AKAP11: variants seen among roughly 807,000 people sequenced by gnomAD.
The protein encoded by AKAP11 is A-kinase anchoring protein 11.
Under a neutral mutation model 146.1 loss-of-function variants are expected in AKAP11, and 36 were observed. The ratio of observed to expected loss-of-function variants is 0.25; its 90% CI spans 0.19 to 0.33. AKAP11 has a LOEUF of 0.33. AKAP11 is among the 10% of genes least tolerant of loss of function. The pLI is 1.00. For missense variants in AKAP11, 2,201 were observed against 2,197.0 expected, an observed-to-expected ratio of 1.00 and a Z score of -0.04; for synonymous variants, 780 against 786.5, an observed-to-expected ratio of 0.99 and a Z score of 0.14.
At chr13:42,273,847 A>G (rs908928130) in intron 1 of AKAP11, among the ~76,000 whole-genome samples, 1 of 152,218 alleles carries the variant, frequency 6.6e-6, no homozygotes, top group Non-Finnish European at 1.5e-5. Context: ...AACTCAAACC[A>G]ATTTGGACAA....
intron 1 of AKAP11, among the ~76,000 whole-genome samples, chr13:42,285,252 T>G (rs1370018323): frequency 1.3e-5 from 2 of 152,186 alleles, no homozygotes; most frequent in Non-Finnish European, 2.9e-5. Context: ...CAATATTGTC[T>G]AGACTGGCTT....
At position 42,299,472 on chromosome 13, in the gene AKAP11, G is replaced by C. The variant is rs199589394; in HGVS notation, c.726G>C (p.Gln242His). ...DLKILISSGQ[Q>H]KSLAKPSTSS... The stretch of plus-strand genomic sequence containing the variant: ...AGATTCTCATTAGCTCTGGACAGCA[G>C]AAGTCATTGGCTAAACCCTCAACTT... The change falls in exon 8 of 13, where the codon CAG (glutamine) becomes CAC (histidine). Residue 242 changes from glutamine to histidine, a missense_variant. Gln to His is a conservative substitution (Grantham distance 24). Transcript: ENST00000025301. 14 of 1,613,816 alleles carry C rather than the reference G, an allele frequency of 8.7e-6. No homozygotes were observed. Among genetic ancestry groups the C allele is most frequent in the Non-Finnish European group, 1.2e-5 (14 of 1,179,858 alleles).
chr13:42,311,017 CTCTG>C (rs61674280), intron 9 of AKAP11, among the ~76,000 whole-genome samples: 58,311 of 151,658 alleles, frequency 0.38, 11,604 homozygotes, highest in East Asian at 0.62. Context: ...AAGAACTGGT[CTCTG>C]TCTGTGACTG....
chr13:42,313,019 C>T (rs1420683918), intron 9 of AKAP11, 28 bp from the exon 10 acceptor site: 1 of 1,583,120 alleles, frequency 6.3e-7, no homozygotes, highest in Non-Finnish European at 8.7e-7. Context: ...TTTTCTAGTT[C>T]AGCTCTGTTC....
Position 42,320,430 on chromosome 13 carries a change from G to T in AKAP11, c.*1202G>T, listed in dbSNP as rs549300683. 1 of 148,680 alleles carries T rather than the reference G, an allele frequency of 6.7e-6. No individual in the cohort carries two copies. Among genetic ancestry groups the T allele is most frequent in the South Asian group, 2.1e-4 (1 of 4,730 alleles). The allele number at this position is 148,680 out of a possible 1,614,324, so 9.2% of individuals were successfully genotyped here. On this transcript the variant is annotated 3_prime_UTR_variant, in exon 13 of 13. Transcript: ENST00000025301. ...GTGTCCAGAAACTGCAAGTTGACAT[G>T]AATAGAGGACAAAGGTTGTGTCTTG...
Position 42,300,404 on chromosome 13 carries a change from T to A in AKAP11, c.1658T>A (p.Phe553Tyr). 7 of 1,611,866 alleles carry A rather than the reference T, an allele frequency of 4.3e-6. No individual in the cohort carries two copies. The highest frequency in any genetic ancestry group is 5.9e-6 in the Non-Finnish European group (7 of 1,179,498). ...SLMIKDSIQK[F>Y]AADLVEKSFG... Reference sequence around the variant, plus strand: ...ATGATTAAAGATAGCATTCAAAAATTTGCAGCAGATCTTGTGGAAAAAAGT... The same window carrying A: ...ATGATTAAAGATAGCATTCAAAAATATGCAGCAGATCTTGTGGAAAAAAGT... Residue 553 changes from phenylalanine (F) to tyrosine (Y), a missense_variant, in exon 8 of 13, where the codon TTT becomes TAT. Around this residue, in one of 3 missense-constraint regions of AKAP11, gnomAD observed 1,867 missense variants for 1,833.5 expected, o/e 1.02. Coordinates refer to ENST00000025301, the MANE Select transcript of AKAP11 (RefSeq NM_016248.4).
At chr13:42,314,273 C>T (rs1960707497) in intron 11 of AKAP11, among the ~76,000 whole-genome samples, 1 of 151,860 alleles carries the variant, frequency 6.6e-6, no homozygotes, top group Admixed American at 6.6e-5. Flanking sequence ...GGTGAAACCC[C>T]ATCTCTACTG....
intron 1 of AKAP11, among the ~76,000 whole-genome samples, chr13:42,280,851 A>C (rs753098185): frequency 6.6e-6 from 1 of 152,164 alleles, no homozygotes; most frequent in Non-Finnish European, 1.5e-5. Context: ...GTTTAGGAGA[A>C]TGACAAGTCA....
rs1959931438 is a variant in AKAP11 at position 42,301,827 on chromosome 13, A to T, written c.3081A>T (p.Pro1027=). The T allele has an allele frequency of 1.9e-6, 3 of 1,614,052 alleles. No individual in the cohort carries two copies. The South Asian group carries it at 3.3e-5, about 18-fold the overall frequency. ...CCCTAGAGACACTGCCATCTTGTCC[A>T]GCTGTGACAGGTCAGAAATCTGACT... ...GSSLETLPSC[P]AVTGQKSDLK... is the part of the protein sequence containing the mutation. Residue 1027 remains proline, a synonymous_variant, in exon 8 of 13, where the codon CCA becomes CCT. Coordinates refer to ENST00000025301, the MANE Select transcript of AKAP11 (RefSeq NM_016248.4).
intron 8 of AKAP11, among the ~76,000 whole-genome samples, chr13:42,306,883 A>C (rs554829572): frequency 1.3e-5 from 2 of 152,270 alleles, no homozygotes; most frequent in South Asian, 4.1e-4. Context: ...ATGAGATCTC[A>C]CTATGTTGCT....
Position 42,297,150 on chromosome 13 carries a change from C to A in AKAP11, c.319C>A (p.Pro107Thr). The change falls in exon 6 of 13, where the codon CCA becomes ACA. Residue 107 changes from proline (P) to threonine (T), a missense_variant. Physicochemically the swap from Pro to Thr is conservative, Grantham distance 38. This residue lies in a region of AKAP11 where 331 missense variants were observed against 347.4 expected (regional missense o/e 0.95). Transcript: ENST00000025301. ...EIICMKNINK[P>T]LDISSDPLNQ... ...TATTTGTATGAAGAATATAAATAAA[C>A]CATTAGATATAAGCAGTGATCCTCT... 2.6e-6 allele frequency: 4 copies of A among 1,557,714 alleles called. No homozygotes were observed. The highest frequency in any genetic ancestry group is 1.8e-4 in the Middle Eastern group (1 of 5,600).
At chr13:42,315,037 C>T (rs1211051123) in intron 11 of AKAP11, among the ~76,000 whole-genome samples, 2 of 152,040 alleles carry the variant, frequency 1.3e-5, no homozygotes, top group African/African-American at 2.4e-5. Flanking sequence ...CTATAAAGTG[C>T]ACTTATAAAA....
Position 42,302,047 on chromosome 13 carries a change from C to T in AKAP11, c.3301C>T (p.Pro1101Ser). The T allele has an allele frequency of 1.9e-6, 3 of 1,614,062 alleles. No homozygotes were observed. The highest frequency in any genetic ancestry group is 1.1e-5 in the South Asian group (1 of 91,066). The change falls in exon 8 of 13, where the codon CCT becomes TCT. Residue 1101 changes from proline to serine, a missense_variant. Around this residue, in one of 3 missense-constraint regions of AKAP11, gnomAD observed 1,867 missense variants for 1,833.5 expected, o/e 1.02. Transcript: ENST00000025301. Reference sequence around the variant, plus strand: ...AGACAGAAATGTAATACCTGATACTCCTCCATCAACTCCTCTAGTACCATC... The same window carrying T: ...AGACAGAAATGTAATACCTGATACTTCTCCATCAACTCCTCTAGTACCATC... ...VRDRNVIPDTPPSTPLVPSRA... is the reference protein window; with the variant it reads ...VRDRNVIPDTSPSTPLVPSRA...
rs1469521507 is a variant in AKAP11 at position 42,299,943 on chromosome 13, A to G, written c.1197A>G (p.Gln399=). ...HKHGKSCMNP[Q]KFKFDRPALP... ...ATGGAAAGTCATGTATGAATCCTCA[A>G]AAATTCAAGTTTGATCGTCCAGCTC... Residue 399 remains glutamine, a synonymous_variant, in exon 8 of 13, where the codon CAA becomes CAG. Coordinates refer to ENST00000025301, the MANE Select transcript of AKAP11 (RefSeq NM_016248.4). 1 of 1,614,022 alleles carries G rather than the reference A, an allele frequency of 6.2e-7. No homozygotes were observed. The highest frequency in any genetic ancestry group is 8.5e-7 in the Non-Finnish European group (1 of 1,179,890).
Position 42,302,736 on chromosome 13 carries a change from TCTG to T in AKAP11, c.3991_3993del (p.Leu1331del), listed in dbSNP as rs1960012572. 2 of 1,614,008 alleles carry T rather than the reference TCTG, an allele frequency of 1.2e-6. No homozygotes were observed. The highest frequency in any genetic ancestry group is 1.7e-6 in the Non-Finnish European group (2 of 1,180,020). ...TACCACCAAGTTCTTGTATGTCAGG[TCTG>T]ATGTATAAGTATCCCAGCTGTGAAA... is the stretch of plus-strand genomic sequence containing the variant. On this transcript the variant is annotated inframe_deletion, in exon 8 of 13. Coordinates refer to ENST00000025301, the MANE Select transcript of AKAP11 (RefSeq NM_016248.4).
rs140676601 is a variant in AKAP11 at position 42,300,054 on chromosome 13, A to G, written c.1308A>G (p.Pro436=). Reference sequence around the variant, plus strand: ...GTGATGCTCCGGATTCTCCTCGCCCAGTGAAGGCATCAAGGGAAGATAGTG... The same window carrying G: ...GTGATGCTCCGGATTCTCCTCGCCCGGTGAAGGCATCAAGGGAAGATAGTG... ...NLCDAPDSPR[P]VKASREDSGL... Residue 436 remains proline (P), a synonymous_variant, in exon 8 of 13, where the codon CCA becomes CCG. Coordinates refer to ENST00000025301, the MANE Select transcript of AKAP11 (RefSeq NM_016248.4). 3 of 1,613,842 alleles carry G rather than the reference A, an allele frequency of 1.9e-6. No homozygotes were observed. The highest frequency in any genetic ancestry group is 2.5e-6 in the Non-Finnish European group (3 of 1,179,848).
chr13:42,292,617 A>C (rs559065703), intron 4 of AKAP11, 116 bp downstream of exon 4: 73 of 567,196 alleles, frequency 1.3e-4, no homozygotes, highest in Non-Finnish European at 1.1e-4. Context: ...TTGTTGTTAC[A>C]TGTATCAGAA....
chr13:42,317,735 G>C, intron 12 of AKAP11, 47 bp downstream of exon 12: 1 of 1,572,188 alleles, frequency 6.4e-7, no homozygotes, highest in South Asian at 1.2e-5. Flanking sequence ...AACAGTATAT[G>C]ATGTTCTTGT....
intron 1 of AKAP11, among the ~76,000 whole-genome samples, chr13:42,278,710 TCTG>T (rs1958985730): frequency 1.3e-5 from 2 of 152,186 alleles, no homozygotes; most frequent in African/African-American, 4.8e-5. Context: ...AAGAATAACT[TCTG>T]TTACCCTCAT....
Sources: allele counts gnomAD v4.1 joint callset (sites outside exome capture counted in the v4.1 genomes callset), GRCh38; gene constraint gnomAD v4.1.1; regional missense constraint gnomAD v4.1.1; transcripts MANE v1.5; gene names NCBI Gene and HGNC (gene_info 2026-07-23, HGNC 2026-07-21).